Variants in EPB41L5 observed in about 807,000 individuals in gnomAD.
The protein encoded by EPB41L5 is band 4.1-like protein 5.
A neutral mutation model predicts 106.6 loss-of-function variants in EPB41L5; 55 were observed. The ratio of observed to expected loss-of-function variants is 0.52; its 90% CI spans 0.42 to 0.65. The LOEUF is 0.65. Ranked by LOEUF, EPB41L5 falls within the 30% of genes least tolerant of loss-of-function variation. EPB41L5 has a pLI of 0.00. For synonymous variants in EPB41L5, 297 were observed against 306.7 expected (o/e 0.97, Z 0.33); for missense variants, 871 against 882.1 (o/e 0.99, Z 0.16).
intron 2 of EPB41L5, among the ~76,000 whole-genome samples, chr2:120,033,957 A>C (rs1287515624): frequency 1.3e-5 from 2 of 151,174 alleles, no homozygotes; most frequent in Non-Finnish European, 2.9e-5. Context: ...CTAGCCAGCT[A>C]TGATGGTGCA....
intron 20 of EPB41L5, among the ~76,000 whole-genome samples, chr2:120,150,282 T>C (rs1686613169): frequency 6.6e-6 from 1 of 152,182 alleles, no homozygotes; most frequent in African/African-American, 2.4e-5. Flanking sequence ...GTGTAACTTC[T>C]TTGGATAAAT....
chr2:120,075,371 C>T, intron 5 of EPB41L5, 105 bp from the exon 6 acceptor site: 1 of 816,206 alleles, frequency 1.2e-6, no homozygotes, highest in South Asian at 1.6e-5. Context: ...TACATTAATA[C>T]AAGTAATTTT....
chr2:120,156,346 C>T (rs917863927), intron 20 of EPB41L5, among the ~76,000 whole-genome samples: 11 of 152,142 alleles, frequency 7.2e-5, no homozygotes, highest in African/African-American at 2.2e-4. Flanking sequence ...TCCTGTAGGG[C>T]GGTCCCCACG....
chr2:120,025,580 A>G (rs1392162883), intron 2 of EPB41L5, among the ~76,000 whole-genome samples: 1 of 152,170 alleles, frequency 6.6e-6, no homozygotes, highest in Non-Finnish European at 1.5e-5. Flanking sequence ...ATTTTTATAT[A>G]CCTACTTTCT....
chr2:120,020,073 G>A (rs1405221294), intron 2 of EPB41L5, among the ~76,000 whole-genome samples: 1 of 152,104 alleles, frequency 6.6e-6, no homozygotes, highest in African/African-American at 2.4e-5. Context: ...TGAGTTGCTT[G>A]CTAATACCAA....
At chr2:120,143,570 A>T (rs1354124551) in intron 19 of EPB41L5, among the ~76,000 whole-genome samples, 1 of 152,158 alleles carries the variant, frequency 6.6e-6, no homozygotes, top group African/African-American at 2.4e-5. Context: ...CTTGTTCTCA[A>T]AATCAGCTTT....
At chr2:120,102,304 A>G (rs1684192073) in intron 16 of EPB41L5, among the ~76,000 whole-genome samples, 1 of 152,160 alleles carries the variant, frequency 6.6e-6, no homozygotes, top group Non-Finnish European at 1.5e-5. Context: ...AATTTATTAA[A>G]TTTTAAGGAA....
chr2:120,015,037 A>T (rs1677419074), intron 1 of EPB41L5, among the ~76,000 whole-genome samples: 1 of 151,470 alleles, frequency 6.6e-6, no homozygotes, highest in Non-Finnish European at 1.5e-5. Context: ...CATTAAAAAA[A>T]ATTAGGCCAG....
At position 120,127,721 on chromosome 2, in the gene EPB41L5, A is replaced by G. The variant is rs1431518687; in HGVS notation, c.1371A>G (p.Pro457=). 6.2e-7 allele frequency: 1 copy of G among 1,613,454 alleles called. No homozygotes were observed. The highest frequency in any genetic ancestry group is 1.7e-5 in the Admixed American group (1 of 59,994). The change falls in exon 17 of 25, where the codon CCA becomes CCG. Residue 457 remains proline (P), a synonymous_variant. Coordinates refer to ENST00000263713, the MANE Select transcript of EPB41L5 (RefSeq NM_020909.4). ...IPLNIDLLNS[P]DLLEATIGDV... is the part of the protein sequence containing the mutation. Reference sequence around the variant, plus strand: ...TGAATATTGATTTGCTGAATAGCCCAGACTTATTGGAAGCAACGATTGGTG... The same window carrying G: ...TGAATATTGATTTGCTGAATAGCCCGGACTTATTGGAAGCAACGATTGGTG...
intron 17 of EPB41L5, among the ~76,000 whole-genome samples, chr2:120,131,111 GC>G (rs1179467813): frequency 3.3e-5 from 5 of 152,140 alleles, no homozygotes; most frequent in African/African-American, 1.2e-4. Context: ...TGCTTGTCTT[GC>G]GTCACACCTG....
intron 13 of EPB41L5, 68 bp from the exon 14 acceptor site, chr2:120,093,181 T>C (rs1683526716): frequency 9.2e-6 from 12 of 1,306,074 alleles, no homozygotes; most frequent in Admixed American, 1.7e-5. Context: ...AAAGTTTTGC[T>C]TTGAATAGTG....
At chr2:120,092,674 A>G (rs1683495352) in intron 13 of EPB41L5, among the ~76,000 whole-genome samples, 1 of 152,184 alleles carries the variant, frequency 6.6e-6, no homozygotes, top group Non-Finnish European at 1.5e-5. Context: ...TTTTTATAAA[A>G]ATGATTTATA....
chr2:120,156,228 C>T (rs1686894921), intron 20 of EPB41L5, among the ~76,000 whole-genome samples: 1 of 152,136 alleles, frequency 6.6e-6, no homozygotes, highest in South Asian at 2.1e-4. Context: ...TCTGATGGTC[C>T]CCCAGGACCC....
chr2:120,028,785 C>G (rs1678507874), intron 2 of EPB41L5, among the ~76,000 whole-genome samples: 1 of 152,050 alleles, frequency 6.6e-6, no homozygotes, highest in Admixed American at 6.6e-5. Flanking sequence ...AAATACAGTT[C>G]TAACTCTGAT....
chr2:120,139,636 T>A (rs1195831745), intron 18 of EPB41L5, among the ~76,000 whole-genome samples: 1 of 152,110 alleles, frequency 6.6e-6, no homozygotes, highest in East Asian at 1.9e-4. Flanking sequence ...AGATATCATC[T>A]CACCCCAGTT....
chr2:120,083,718 T>C (rs1428715638), intron 10 of EPB41L5, among the ~76,000 whole-genome samples: 1 of 152,150 alleles, frequency 6.6e-6, no homozygotes, highest in Non-Finnish European at 1.5e-5. Context: ...GTCTCCCACA[T>C]TATTGTGTGG....
At chr2:120,151,528 CAAA>C (rs1334719793) in intron 20 of EPB41L5, among the ~76,000 whole-genome samples, 1 of 150,848 alleles carries the variant, frequency 6.6e-6, no homozygotes, top group East Asian at 2.0e-4. Flanking sequence ...CTGAAAACTA[CAAA>C]ACACCACTGA....
intron 1 of EPB41L5, chr2:120,013,433 G>C (rs1677279265): frequency 6.6e-6 from 1 of 152,092 alleles, no homozygotes; most frequent in African/African-American, 2.4e-5. Context: ...GGGCCGCCGA[G>C]TTTCGGTCGA....
Position 120,071,755 on chromosome 2 carries a change from T to TA in EPB41L5, c.286-1422dup, listed in dbSNP as rs929482115. Among the ~76,000 whole-genome samples the TA allele has an allele frequency of 2.7e-4, 41 of 152,192 alleles. 1 individual carries two copies. Among genetic ancestry groups the TA allele is most frequent in the African/African-American group, 8.0e-4 (33 of 41,450 alleles). On this transcript the variant is annotated intron_variant, in intron 3 of 24. Coordinates refer to ENST00000263713, the MANE Select transcript of EPB41L5 (RefSeq NM_020909.4). ...AGAAAACTGAACCTGGACCCTTCCT[T>TA]ACACCTTATACAGAAATTAACTCAA...
Sources: gnomAD v4.1 joint callset for allele counts (sites outside exome capture counted in the v4.1 genomes callset) on GRCh38, gnomAD v4.1.1 for gene constraint, MANE v1.5 for transcripts, NCBI Gene and HGNC (gene_info 2026-07-23, HGNC 2026-07-21) for gene names.